MTDH: variants seen among roughly 807,000 people sequenced by gnomAD.
MTDH encodes metadherin.
In MTDH, 34 loss-of-function variants were observed where a neutral mutation model predicts 72.7. The ratio of observed to expected loss-of-function variants is 0.47; its 90% CI spans 0.36 to 0.62. The LOEUF is 0.62. Among genes scored for constraint, MTDH ranks in the 20% least tolerant of loss-of-function variants. The pLI, the probability that MTDH is intolerant of heterozygous loss-of-function variation, is 0.00. For synonymous variants in MTDH, 266 were observed against 268.9 expected, an observed-to-expected ratio of 0.99 and a Z score of 0.10; for missense variants, 677 against 699.4, an observed-to-expected ratio of 0.97 and a Z score of 0.36.
At chr8:97,679,123 G>C (rs987333528) in intron 2 of MTDH, among the ~76,000 whole-genome samples, 6 of 152,094 alleles carry the variant, frequency 3.9e-5, no homozygotes, top group African/African-American at 1.2e-4. Context: ...ATGTGATTTG[G>C]GGGTTGGTTA....
intron 1 of MTDH, among the ~76,000 whole-genome samples, chr8:97,645,837 G>A (rs1811544563): frequency 2.0e-5 from 3 of 152,092 alleles, no homozygotes. Flanking sequence ...GACTATGGAG[G>A]GTATGCAGAG....
At chr8:97,677,298 C>T (rs1370693948) in intron 2 of MTDH, among the ~76,000 whole-genome samples, 1 of 150,406 alleles carries the variant, frequency 6.6e-6, no homozygotes, top group Admixed American at 6.6e-5. Flanking sequence ...TCGAGACCAG[C>T]CTGGCCAAGA....
chr8:97,691,705 G>GTA (rs780869218), intron 6 of MTDH, among the ~76,000 whole-genome samples: 3 of 150,130 alleles, frequency 2.0e-5, no homozygotes, highest in Non-Finnish European at 4.5e-5. Flanking sequence ...GTGTGTGTTT[G>GTA]TGTGTGTGTG....
rs957566350 is a variant in MTDH, at chr8:97,730,096, T to C, written c.*5426T>C. Among the ~76,000 whole-genome samples, 8 of 152,198 alleles carry C rather than the reference T, an allele frequency of 5.3e-5. No individual in the cohort carries two copies. Among genetic ancestry groups the C allele is most frequent in the African/African-American group, 1.2e-4 (5 of 41,456 alleles). ...GTACTGAAGCTTGTGAATACGTTAATTGAGAAAACTTTAAGCAGGTTCAAA... is the reference window on the plus strand; with the variant it reads ...GTACTGAAGCTTGTGAATACGTTAACTGAGAAAACTTTAAGCAGGTTCAAA... On this transcript the variant is annotated 3_prime_UTR_variant, in exon 12 of 12. Coordinates refer to ENST00000336273, the MANE Select transcript of MTDH (RefSeq NM_178812.4).
intron 2 of MTDH, among the ~76,000 whole-genome samples, chr8:97,678,594 CTTTTT>C (rs35895126): frequency 2.6e-4 from 22 of 85,312 alleles, no homozygotes; most frequent in South Asian, 5.0e-4. Context: ...TTCCTTCCTT[CTTTTT>C]TTTTTTTTTT....
At chr8:97,681,068 G>A (rs1400721770) in intron 2 of MTDH, among the ~76,000 whole-genome samples, 2 of 152,098 alleles carry the variant, frequency 1.3e-5, no homozygotes, top group African/African-American at 4.8e-5. Context: ...TTAGGGGAAA[G>A]GAAAAGGGGG....
At chr8:97,722,323 C>G (rs761217740) in intron 10 of MTDH, among the ~76,000 whole-genome samples, 1 of 152,112 alleles carries the variant, frequency 6.6e-6, no homozygotes, top group Admixed American at 6.6e-5. Context: ...AAAGTTAGGC[C>G]GGGCGTGGTT....
chr8:97,689,488 C>A (rs1185696031), intron 5 of MTDH, among the ~76,000 whole-genome samples: 2 of 151,042 alleles, frequency 1.3e-5, no homozygotes, highest in African/African-American at 2.4e-5. Flanking sequence ...GCTTTAGTTC[C>A]TATAATGTTT....
chr8:97,697,381 G>GTTTTTTTTTTT (rs755015450), intron 6 of MTDH, among the ~76,000 whole-genome samples: 1 of 80,194 alleles, frequency 1.2e-5, no homozygotes. Context: ...TATTATTTCG[G>GTTTTTTTTTTT]TTTTTTTTTT....
At chr8:97,715,608 G>A (rs1170238572) in intron 9 of MTDH, among the ~76,000 whole-genome samples, 1 of 152,156 alleles carries the variant, frequency 6.6e-6, no homozygotes, top group African/African-American at 2.4e-5. Flanking sequence ...AAGATCAGTG[G>A]ATATGAACAA....
At chr8:97,710,363 G>C (rs1814572340) in intron 8 of MTDH, among the ~76,000 whole-genome samples, 1 of 152,104 alleles carries the variant, frequency 6.6e-6, no homozygotes, top group Admixed American at 6.5e-5. Flanking sequence ...TCCATAGAAA[G>C]TTAAACTACA....
intron 8 of MTDH, among the ~76,000 whole-genome samples, chr8:97,708,153 G>C (rs907759188): frequency 4.7e-5 from 7 of 147,396 alleles, no homozygotes; most frequent in African/African-American, 1.8e-4. Flanking sequence ...CTTTTACCAT[G>C]TTGGTTTCAC....
chr8:97,658,613 G>A (rs1233403405), intron 1 of MTDH, among the ~76,000 whole-genome samples: 1 of 152,166 alleles, frequency 6.6e-6, no homozygotes, highest in African/African-American at 2.4e-5. Context: ...GTGGTATATG[G>A]CAGTATATAA....
At chr8:97,660,689 T>C (rs1812139896) in intron 1 of MTDH, among the ~76,000 whole-genome samples, 1 of 152,158 alleles carries the variant, frequency 6.6e-6, no homozygotes, top group Admixed American at 6.5e-5. Context: ...ATCATACCTG[T>C]CACTTTATAG....
At chr8:97,717,471 C>T (rs929558772) in intron 9 of MTDH, among the ~76,000 whole-genome samples, 4 of 152,204 alleles carry the variant, frequency 2.6e-5, no homozygotes, top group Non-Finnish European at 5.9e-5. Flanking sequence ...CATGTGCCCT[C>T]CTGTCTCCTG....
intron 1 of MTDH, among the ~76,000 whole-genome samples, chr8:97,645,365 GC>G (rs1222163761): frequency 5.3e-5 from 8 of 152,186 alleles, no homozygotes; most frequent in Non-Finnish European, 1.2e-4. Context: ...AAATTCTGGG[GC>G]TTACACAGGA....
At chr8:97,695,107 C>CTT (rs74734143) in intron 6 of MTDH, among the ~76,000 whole-genome samples, 3 of 139,308 alleles carry the variant, frequency 2.2e-5, no homozygotes, top group Non-Finnish European at 3.1e-5. Context: ...TTGCTGCTGC[C>CTT]TTTTTTTTTT....
intron 9 of MTDH, among the ~76,000 whole-genome samples, chr8:97,718,174 C>T (rs993204223): frequency 1.3e-5 from 2 of 152,156 alleles, no homozygotes; most frequent in African/African-American, 4.8e-5. Context: ...TCCCAAATAG[C>T]TGGGATTACA....
At chr8:97,646,730 C>T (rs1221744499) in intron 1 of MTDH, among the ~76,000 whole-genome samples, 1 of 152,044 alleles carries the variant, frequency 6.6e-6, no homozygotes, top group Admixed American at 6.6e-5. Flanking sequence ...CATTTTCATT[C>T]GAGTTAAGGA....
Sources: allele counts gnomAD v4.1 joint callset (sites outside exome capture counted in the v4.1 genomes callset), GRCh38; gene constraint gnomAD v4.1.1; transcripts MANE v1.5; gene names NCBI Gene and HGNC (gene_info 2026-07-23, HGNC 2026-07-21).